Variants in PCDHGA10 observed in about 807,000 individuals in gnomAD.
PCDHGA10 encodes protocadherin gamma-A10.
PCDHGA10 carries 42 observed loss-of-function variants against 59.5 expected under a neutral mutation model. The ratio of observed to expected loss-of-function variants is 0.71; its 90% CI spans 0.55 to 0.91. The LOEUF is 0.91. Ranked by LOEUF, PCDHGA10 falls within the 40% of genes least tolerant of loss-of-function variation. The pLI, the probability that PCDHGA10 is intolerant of heterozygous loss-of-function variation, is 0.00. For synonymous variants in PCDHGA10, 511 were observed against 517.2 expected (o/e 0.99, Z 0.16); for missense variants, 1,111 against 1,198.2 (o/e 0.93, Z 1.07).
At chr5:141,455,128 T>C (rs2098813900) in intron 1 of PCDHGA10, among the ~76,000 whole-genome samples, 2 of 151,962 alleles carry the variant, frequency 1.3e-5, no homozygotes, top group Admixed American at 6.6e-5. Context: ...ATGTTTTAAA[T>C]TACACTGTGT....
chr5:141,414,738 C>T lies in PCDHGA10; in HGVS notation c.1563C>T (p.Leu521=). Residue 521 remains leucine (L), a synonymous_variant, in exon 1 of 4, where the codon CTC becomes CTT. Coordinates refer to ENST00000398610, the MANE Select transcript of PCDHGA10 (RefSeq NM_018913.3). ...INSDTGVLYA[L]RSFDYEQFHE... ...CAGACACTGGCGTCCTGTATGCACT[C>T]AGATCCTTCGACTATGAGCAGTTTC... 6.2e-7 allele frequency: 1 copy of T among 1,614,238 alleles called. No individual in the cohort carries two copies. Among genetic ancestry groups the T allele is most frequent in the Non-Finnish European group, 8.5e-7 (1 of 1,180,046 alleles).
chr5:141,450,278 G>A (rs977381598), intron 1 of PCDHGA10, among the ~76,000 whole-genome samples: 1 of 152,026 alleles, frequency 6.6e-6, no homozygotes, highest in Non-Finnish European at 1.5e-5. Flanking sequence ...TCAGCTAAGT[G>A]CTGGGATTAC....
chr5:141,415,961 C>T, intron 1 of PCDHGA10: 1 of 438,836 alleles, frequency 2.3e-6, no homozygotes, highest in Non-Finnish European at 3.6e-6. Context: ...TATTGAAACT[C>T]CAGCCCCTTA....
chr5:141,431,435 G>C lies in PCDHGA10; in HGVS notation c.2436+15824G>C, dbSNP rs376827063. The C allele has an allele frequency of 6.2e-7, 1 of 1,613,668 alleles. No homozygotes were observed. The highest frequency in any genetic ancestry group is 1.7e-5 in the Admixed American group (1 of 60,010). On this transcript the variant is annotated intron_variant, in intron 1 of 3. Coordinates refer to ENST00000398610, the MANE Select transcript of PCDHGA10 (RefSeq NM_018913.3). This position sits in a 1 kb window ranked among gnomAD's most constrained non-coding sequence, Gnocchi z 4.8. ...GGGCGACCCGGTGCGCACAGGCACC[G>C]CGCGCATCCGCGTGATGGTTCTGGA...
intron 1 of PCDHGA10, among the ~76,000 whole-genome samples, chr5:141,472,980 CAAAAA>C (rs60579131): frequency 1.2e-5 from 1 of 86,106 alleles, no homozygotes; most frequent in African/African-American, 3.9e-5. Flanking sequence ...GAGTGAAACT[CAAAAA>C]AAAAAAAAAA....
intron 3 of PCDHGA10, among the ~76,000 whole-genome samples, chr5:141,507,891 C>A (rs1031803854): frequency 6.6e-6 from 1 of 152,208 alleles, no homozygotes; most frequent in African/African-American, 2.4e-5. Flanking sequence ...AGAGAGGTTC[C>A]TGAAGTCCAG....
At chr5:141,464,044 C>T (rs898632465) in intron 1 of PCDHGA10, among the ~76,000 whole-genome samples, 1 of 152,086 alleles carries the variant, frequency 6.6e-6, no homozygotes, top group African/African-American at 2.4e-5. Context: ...GCGGGTGGAT[C>T]ACCTGAGGTC....
chr5:141,501,314 C>G, intron 2 of PCDHGA10, among the ~76,000 whole-genome samples: 1 of 151,728 alleles, frequency 6.6e-6, no homozygotes, highest in Non-Finnish European at 1.5e-5. Flanking sequence ...CACACACACA[C>G]ACACACACAC....
rs370253778 is a variant in PCDHGA10 at position 141,413,148 on chromosome 5, C to G, written c.-28C>G. On this transcript the variant is annotated 5_prime_UTR_variant, in exon 1 of 4. Coordinates refer to ENST00000398610, the MANE Select transcript of PCDHGA10 (RefSeq NM_018913.3). Reference sequence around the variant, plus strand: ...AAACACACAACGTGTCCAGTGAGGACTTTGCAGAATTCTGTAACCAGACTA... The same window carrying G: ...AAACACACAACGTGTCCAGTGAGGAGTTTGCAGAATTCTGTAACCAGACTA... 6.4e-6 allele frequency: 10 copies of G among 1,570,530 alleles called. No homozygotes were observed. Among genetic ancestry groups the G allele is most frequent in the Middle Eastern group, 1.7e-4 (1 of 5,796 alleles).
At chr5:141,445,508 T>C (rs2098468947) in intron 1 of PCDHGA10, among the ~76,000 whole-genome samples, 1 of 152,200 alleles carries the variant, frequency 6.6e-6, no homozygotes, top group Non-Finnish European at 1.5e-5. Context: ...TAATACATGA[T>C]ATTTTACAGG....
In PCDHGA10 at chr5:141,431,135, A is replaced by T. The variant is rs140069213; in HGVS notation, c.2436+15524A>T. On this transcript the variant is annotated intron_variant, in intron 1 of 3. Transcript: ENST00000398610. This position sits in a 1 kb window ranked among gnomAD's most constrained non-coding sequence, Gnocchi z 4.8. ...TGGAGTAGAAGTAGAAGTAAGGGAC[A>T]TTAACGACAATGCGCCTTACTTTCG... 1 of 1,614,266 alleles carries T rather than the reference A, an allele frequency of 6.2e-7. No homozygotes were observed. Among genetic ancestry groups the T allele is most frequent in the African/African-American group, 1.3e-5 (1 of 75,078 alleles).
chr5:141,504,848 C>G (rs181277525), intron 2 of PCDHGA10, among the ~76,000 whole-genome samples: 1 of 152,236 alleles, frequency 6.6e-6, no homozygotes, highest in Non-Finnish European at 1.5e-5. Context: ...CTGGAACATT[C>G]TCTTCCATTT....
At position 141,491,960 on chromosome 5, in the gene PCDHGA10, A is replaced by T. The variant is rs1380758016; in HGVS notation, c.2437-2847A>T. The T allele has an allele frequency of 1.0e-6, 1 of 984,842 alleles. No individual in the cohort carries two copies. The highest frequency in any genetic ancestry group is 3.0e-5 in the East Asian group (1 of 33,312). 61.0% of individuals were successfully genotyped at this position (984,842 alleles called of 1,614,324 possible). A position where few individuals can be genotyped will look rare whatever the true frequency, so the allele number is the denominator to read the frequency against. On this transcript the variant is annotated intron_variant, in intron 1 of 3. Coordinates refer to ENST00000398610, the MANE Select transcript of PCDHGA10 (RefSeq NM_018913.3). The surrounding 1 kb of genome is among the most constrained non-coding windows in gnomAD (Gnocchi z 6.9). ...CGACCCCCACCCCTACACTCAAAAA[A>T]GGCCGGGGCCTCCTTCGAGCTTCCG...
At chr5:141,422,789 TC>T (rs1561803924) in intron 1 of PCDHGA10, 44 of 1,614,158 alleles carry the variant, frequency 2.7e-5, no homozygotes, top group Non-Finnish European at 3.6e-5. Context: ...CTACAATCCT[TC>T]GACTATGAGC....
chr5:141,445,305 T>C (rs899306819), intron 1 of PCDHGA10, among the ~76,000 whole-genome samples: 2 of 152,204 alleles, frequency 1.3e-5, no homozygotes, highest in Non-Finnish European at 1.5e-5. Context: ...TCTCTTCAGT[T>C]TGTAGGTTGA....
chr5:141,419,391 G>A, intron 1 of PCDHGA10: 1 of 1,613,630 alleles, frequency 6.2e-7, no homozygotes. Flanking sequence ...AGCGCGCAGA[G>A]CGGGGTGGTG....
Position 141,490,693 on chromosome 5 carries a change from G to C in PCDHGA10, c.2437-4114G>C. 2 of 1,614,170 alleles carry C rather than the reference G, an allele frequency of 1.2e-6. No homozygotes were observed. Among genetic ancestry groups the C allele is most frequent in the Non-Finnish European group, 1.7e-6 (2 of 1,180,018 alleles). ...GGCTGCCTCAGATCCAGACACTGGG[G>C]ATAATGCCCGCCTCACCTACTCCAT... is the stretch of plus-strand genomic sequence containing the variant. On this transcript the variant is annotated intron_variant, in intron 1 of 3. Coordinates refer to ENST00000398610, the MANE Select transcript of PCDHGA10 (RefSeq NM_018913.3). This position sits in a 1 kb window ranked among gnomAD's most constrained non-coding sequence, Gnocchi z 5.4.
chr5:141,418,504 A>T (rs761133198), intron 1 of PCDHGA10: 32 of 1,613,904 alleles, frequency 2.0e-5, no homozygotes, highest in Non-Finnish European at 2.7e-5. Context: ...TGACCGCCTT[A>T]GATGGTGGGG....
At chr5:141,437,459 C>T (rs749625924) in intron 1 of PCDHGA10, among the ~76,000 whole-genome samples, 1 of 152,140 alleles carries the variant, frequency 6.6e-6, no homozygotes, top group Admixed American at 6.5e-5. Context: ...GGAGACTATA[C>T]TATACTTTTA....
Sources: gnomAD v4.1 joint callset for allele counts (sites outside exome capture counted in the v4.1 genomes callset) on GRCh38, gnomAD v4.1.1 for gene constraint, Gnocchi (gnomAD v3.1) non-coding constraint, MANE v1.5 for transcripts, NCBI Gene and HGNC (gene_info 2026-07-23, HGNC 2026-07-21) for gene names.